Variants in RAB11B observed in about 807,000 individuals in gnomAD.
RAB11B encodes the protein ras-related protein Rab-11B.
In RAB11B, 7 loss-of-function variants were observed where a neutral mutation model predicts 23.7. The ratio of observed to expected loss-of-function variants is 0.29; its 90% CI spans 0.17 to 0.55. RAB11B has a LOEUF of 0.55. Ranked by LOEUF, RAB11B falls within the 20% of genes least tolerant of loss-of-function variation. The probability of loss-of-function intolerance (pLI) is 0.93; values close to 1 mark genes in which losing one functional copy is unlikely to be tolerated. For synonymous variants in RAB11B, 138 were observed against 132.0 expected, an observed-to-expected ratio of 1.05 and a Z score of -0.31; for missense variants, 189 against 320.0, an observed-to-expected ratio of 0.59 and a Z score of 3.12.
chr19:8,390,986 A>G (rs553348150), intron 1 of RAB11B, among the ~76,000 whole-genome samples: 1 of 132,914 alleles, frequency 7.5e-6, no homozygotes, highest in Admixed American at 7.2e-5. Context: ...GGCTGGGCCG[A>G]GATGAGGGCC....
chr19:8,401,482 G>A (rs1163114521), intron 2 of RAB11B, among the ~76,000 whole-genome samples: 1 of 150,508 alleles, frequency 6.6e-6, no homozygotes, highest in Non-Finnish European at 1.5e-5. Flanking sequence ...GCCCCCCAGG[G>A]TTCAAGCAAT....
intron 1 of RAB11B, among the ~76,000 whole-genome samples, chr19:8,398,398 G>C (rs893593752): frequency 6.6e-6 from 1 of 152,214 alleles, no homozygotes; most frequent in Non-Finnish European, 1.5e-5. Flanking sequence ...CCCCTCCTGG[G>C]ACAATGCATA....
chr19:8,393,939 G>A (rs1169326043), intron 1 of RAB11B, among the ~76,000 whole-genome samples: 3 of 152,204 alleles, frequency 2.0e-5, no homozygotes, highest in Admixed American at 6.5e-5. Flanking sequence ...GCCAAGTGGC[G>A]TGTCTGGGGT....
rs1555690548 is a variant in RAB11B, at chr19:8,396,712, G to GT, written c.41-3151_41-3150insT. ...GTGTGGCTGGAGCAGAGTGAGCCGG[G>GT]GGGGGGGCGGGAGGGAGGAGGGGAG... On this transcript the variant is annotated intron_variant, in intron 1 of 4. Transcript: ENST00000328024. This position sits in a 1 kb window ranked among gnomAD's most constrained non-coding sequence, Gnocchi z 5.0. 3.1e-4 allele frequency among the ~76,000 whole-genome samples: 45 copies of GT among 147,330 alleles called. No individual in the cohort carries two copies. The highest frequency in any genetic ancestry group is 9.1e-4 in the African/African-American group (36 of 39,478).
At position 8,403,405 on chromosome 19, in the gene RAB11B, C is replaced by T. The variant is rs764322641; in HGVS notation, c.512-8C>T. The T allele has an allele frequency of 7.1e-5, 114 of 1,610,908 alleles. 1 individual carries two copies. In the East Asian group the frequency reaches 2.1e-3, roughly 30 times the overall value. On this transcript the variant is annotated splice_region_variant and splice_polypyrimidine_tract_variant and intron_variant, in intron 4 of 4. Transcript: ENST00000328024. ...CTCACCCCACGTCCCCCTGTACCCC[C>T]TTTGCAGAGATCTACCGCATCGTGT...
At chr19:8,397,494 G>C (rs193102729) in intron 1 of RAB11B, among the ~76,000 whole-genome samples, 14 of 152,018 alleles carry the variant, frequency 9.2e-5, no homozygotes, top group African/African-American at 1.4e-4. Flanking sequence ...GCACAGGCCC[G>C]GGGGAGTGGG....
intron 2 of RAB11B, chr19:8,400,429 T>G: frequency 2.6e-5 from 7 of 268,900 alleles, no homozygotes; most frequent in Non-Finnish European, 2.9e-5. Context: ...CTGGCCTCCA[T>G]TCCCTGCAAA....
chr19:8,400,192 G>T, intron 2 of RAB11B, 134 bp downstream of exon 2: 6 of 1,149,958 alleles, frequency 5.2e-6, no homozygotes, highest in Non-Finnish European at 7.4e-6. Context: ...AGTGAGGCTG[G>T]AAGAACGCTT....
Position 8,401,262 on chromosome 19 carries a change from A to G in RAB11B, c.237-824A>G, listed in dbSNP as rs544973320. 2.5e-4 allele frequency among the ~76,000 whole-genome samples: 37 copies of G among 149,116 alleles called. No homozygotes were observed. The East Asian group carries it at 4.4e-3, about 18-fold the overall frequency. ...CGCCTGGCTAATTTTTTGTATTTTT[A>G]GTAGAGATGGGGTTTCACCGCATTA... is the stretch of plus-strand genomic sequence containing the variant. On this transcript the variant is annotated intron_variant, in intron 2 of 4. Coordinates refer to ENST00000328024, the MANE Select transcript of RAB11B (RefSeq NM_004218.4).
intron 1 of RAB11B, among the ~76,000 whole-genome samples, chr19:8,391,843 C>T (rs949579101): frequency 1.3e-5 from 2 of 151,650 alleles, no homozygotes; most frequent in Non-Finnish European, 2.9e-5. Flanking sequence ...GTCCGTGTGG[C>T]GAAAGCCTTC....
chr19:8,391,816 G>A (rs1348430340), intron 1 of RAB11B, among the ~76,000 whole-genome samples: 1 of 151,830 alleles, frequency 6.6e-6, no homozygotes, highest in South Asian at 2.1e-4. Flanking sequence ...TGAGGCAGAG[G>A]TCTCCCCACC....
chr19:8,390,567 G>T, intron 1 of RAB11B, 111 bp downstream of exon 1: 1 of 1,196,002 alleles, frequency 8.4e-7, no homozygotes, highest in Non-Finnish European at 1.1e-6. Context: ...GGGGCTTGGG[G>T]CCCGGCGGGT....
chr19:8,402,466 G>A lies in RAB11B; in HGVS notation c.431-19G>A. 6.2e-7 allele frequency: 1 copy of A among 1,609,320 alleles called. No homozygotes were observed. Among genetic ancestry groups the A allele is most frequent in the Non-Finnish European group, 8.5e-7 (1 of 1,175,686 alleles). On this transcript the variant is annotated intron_variant, in intron 3 of 4. Coordinates refer to ENST00000328024, the MANE Select transcript of RAB11B (RefSeq NM_004218.4). Reference sequence around the variant, plus strand: ...TCACCCTGCCTCCCCACTCACCTAGGCAGTATTCTTTGTTCCAGAAAAGAA... The same window carrying A: ...TCACCCTGCCTCCCCACTCACCTAGACAGTATTCTTTGTTCCAGAAAAGAA...
At chr19:8,400,512 C>T (rs1971428839) in intron 2 of RAB11B, among the ~76,000 whole-genome samples, 3 of 152,206 alleles carry the variant, frequency 2.0e-5, no homozygotes, top group Admixed American at 1.3e-4. Flanking sequence ...CCATTCCCAC[C>T]ACCGTCTTGA....
chr19:8,390,902 C>T (rs992603921), intron 1 of RAB11B, among the ~76,000 whole-genome samples: 14 of 147,458 alleles, frequency 9.5e-5, no homozygotes, highest in African/African-American at 2.8e-4. Flanking sequence ...GGAGGCGGGG[C>T]TCTCACGAGG....
Position 8,394,401 on chromosome 19 carries a change from C to T in RAB11B, c.40+3945C>T, listed in dbSNP as rs555450520. Reference sequence around the variant, plus strand: ...AACTCCTGAGCTCAAGTGATCCACCCGCCTTGGCCTCCCAAAGTGCTGGGA... The same window carrying T: ...AACTCCTGAGCTCAAGTGATCCACCTGCCTTGGCCTCCCAAAGTGCTGGGA... On this transcript the variant is annotated intron_variant, in intron 1 of 4. Coordinates refer to ENST00000328024, the MANE Select transcript of RAB11B (RefSeq NM_004218.4). Among the ~76,000 whole-genome samples, 7 of 152,294 alleles carry T rather than the reference C, an allele frequency of 4.6e-5. No individual in the cohort carries two copies. In the South Asian group the frequency reaches 1.2e-3, roughly 27 times the overall value.
At chr19:8,390,652 A>G in intron 1 of RAB11B, 196 bp downstream of exon 1, 1 of 517,630 alleles carries the variant, frequency 1.9e-6, no homozygotes, top group Non-Finnish European at 3.0e-6. Context: ...ACGGAGCCGG[A>G]GGCCCGGAGA....
Position 8,394,634 on chromosome 19 carries a change from G to A in RAB11B, c.40+4178G>A, listed in dbSNP as rs148849604. Among the ~76,000 whole-genome samples, 68 of 152,332 alleles carry A rather than the reference G, an allele frequency of 4.5e-4. No individual in the cohort carries two copies. The East Asian group carries it at 0.012, about 28-fold the overall frequency. ...GACCCAGCCTGGCCAAAGTGCTTGAGGGCAAAACTGATGGGGCTGGGTGCC... is the reference window on the plus strand; with the variant it reads ...GACCCAGCCTGGCCAAAGTGCTTGAAGGCAAAACTGATGGGGCTGGGTGCC... On this transcript the variant is annotated intron_variant, in intron 1 of 4. Coordinates refer to ENST00000328024, the MANE Select transcript of RAB11B (RefSeq NM_004218.4).
In RAB11B at chr19:8,390,366, T is replaced by A. The variant is rs762215415; in HGVS notation, c.-51T>A. The A allele has an allele frequency of 3.2e-5, 48 of 1,494,492 alleles. 1 individual carries two copies. The Admixed American group carries it at 9.9e-4, about 31-fold the overall frequency. The allele number at this position is 1,494,492 out of a possible 1,614,324, so 92.6% of individuals were successfully genotyped here. ...CGGCGCCGGCTCCGCCCCCGTCGGG[T>A]GTTTGTGGTGGGGCTGCGGAGTCGC... On this transcript the variant is annotated 5_prime_UTR_variant, in exon 1 of 5. Transcript: ENST00000328024.
Sources: allele counts gnomAD v4.1 joint callset (sites outside exome capture counted in the v4.1 genomes callset), GRCh38; gene constraint gnomAD v4.1.1; non-coding constraint Gnocchi (gnomAD v3.1); transcripts MANE v1.5; gene names NCBI Gene and HGNC (gene_info 2026-07-23, HGNC 2026-07-21).